GLI4: variants seen among roughly 807,000 people sequenced by gnomAD.
The protein encoded by GLI4 is zinc finger protein GLI4.
Under a neutral mutation model 30.9 loss-of-function variants are expected in GLI4, and 34 were observed. The observed-to-expected ratio is 1.10, with a 90% CI of 0.84 to 1.47. The LOEUF is 1.47. GLI4 is among the 40% of genes most tolerant of loss of function. The probability of loss-of-function intolerance (pLI) is 0.00; values close to 1 mark genes in which losing one functional copy is unlikely to be tolerated. For synonymous variants in GLI4, 277 were observed against 236.7 expected, an observed-to-expected ratio of 1.17 and a Z score of -1.56; for missense variants, 696 against 538.9, an observed-to-expected ratio of 1.29 and a Z score of -2.89.
At chr8:143,274,558 C>A in intron 2 of GLI4, 146 bp from the exon 3 acceptor site, 1 of 701,194 alleles carries the variant, frequency 1.4e-6, no homozygotes, top group Non-Finnish European at 2.1e-6. Context: ...GCTAGAGAAG[C>A]CCAAGCAGCG....
chr8:143,275,995 C>T lies in GLI4; in HGVS notation c.322C>T (p.Pro108Ser), dbSNP rs1815376110. 1 of 1,404,302 alleles carries T rather than the reference C, an allele frequency of 7.1e-7. No homozygotes were observed. Among genetic ancestry groups the T allele is most frequent in the South Asian group, 1.5e-5 (1 of 65,144 alleles). The allele number at this position is 1,404,302 out of a possible 1,614,324, so 87.0% of individuals were successfully genotyped here. A position where few individuals can be genotyped will look rare whatever the true frequency, so the allele number is the denominator to read the frequency against. ...GCTGCGCAGCCTCCTGAGGAGCCTT[C>T]CCCGCAGGGCCCGGTGCAGCGCCGG... Reference protein sequence around the residue: ...GALRSLLRSLPRRARCSAGFG... With the variant: ...GALRSLLRSLSRRARCSAGFG... The change falls in exon 4 of 4, where the codon CCC (proline) becomes TCC (serine). Residue 108 changes from proline to serine, a missense_variant. Physicochemically the swap from Pro to Ser is moderately conservative, Grantham distance 74 (BLOSUM62 -1). Coordinates refer to ENST00000340042, the MANE Select transcript of GLI4 (RefSeq NM_138465.4).
At chr8:143,267,954 C>A in intron 1 of GLI4, 1 of 985,450 alleles carries the variant, frequency 1.0e-6, no homozygotes, top group Non-Finnish European at 1.2e-6. Context: ...GGCAGGAGTG[C>A]CCTTCCCCCT....
At chr8:143,272,713 G>A (rs1219068780) in intron 2 of GLI4, among the ~76,000 whole-genome samples, 1 of 152,214 alleles carries the variant, frequency 6.6e-6, no homozygotes, top group Non-Finnish European at 1.5e-5. Context: ...GTGGGCAGGT[G>A]TCAGGATCCA....
At chr8:143,275,459 C>T in intron 3 of GLI4, 2 of 1,363,718 alleles carry the variant, frequency 1.5e-6, no homozygotes, top group South Asian at 2.0e-5. Context: ...CCACCGAGGC[C>T]TGGGGCAGCC....
intron 1 of GLI4, chr8:143,267,752 G>C: frequency 1.0e-6 from 1 of 985,364 alleles, no homozygotes; most frequent in Non-Finnish European, 1.2e-6. Flanking sequence ...ACCCAGTGAC[G>C]GCAGCTGTCG....
chr8:143,267,564 T>G, intron 1 of GLI4, 80 bp downstream of exon 1: 1 of 985,376 alleles, frequency 1.0e-6, no homozygotes. Flanking sequence ...TACTCCGCGG[T>G]GCAGCCCTGC....
intron 3 of GLI4, 58 bp downstream of exon 3, chr8:143,274,860 C>T: frequency 1.3e-6 from 2 of 1,514,718 alleles, no homozygotes; most frequent in African/African-American, 2.8e-5. Context: ...CCAGGCTCCT[C>T]ACAATGCCCA....
chr8:143,272,699 G>A (rs1417556358), intron 2 of GLI4, among the ~76,000 whole-genome samples: 7 of 152,180 alleles, frequency 4.6e-5, no homozygotes, highest in African/African-American at 9.7e-5. Flanking sequence ...GAAATGGCCC[G>A]AATGTGGGCA....
At chr8:143,270,060 A>T (rs994123768) in intron 2 of GLI4, among the ~76,000 whole-genome samples, 5 of 152,208 alleles carry the variant, frequency 3.3e-5, no homozygotes, top group African/African-American at 1.2e-4. Context: ...TCCCTCTCAG[A>T]GGTCAGGGAT....
At chr8:143,271,891 C>T (rs985910794) in intron 2 of GLI4, among the ~76,000 whole-genome samples, 2 of 152,178 alleles carry the variant, frequency 1.3e-5, no homozygotes, top group Admixed American at 6.5e-5. Context: ...GGAGACCAGG[C>T]GGTGGGAACA....
Position 143,276,473 on chromosome 8 carries a change from ACAAGTGCGG to A in GLI4, c.802_810del (p.Lys268_Gly270del), listed in dbSNP as rs748071620. ...CGCATCCACAACGGCGAGAAGCCCTACAAGTGCGGCGAGTGCGGCCAGGCCTTCAGCCAG... is the reference window on the plus strand; with the variant it reads ...CGCATCCACAACGGCGAGAAGCCCTACGAGTGCGGCCAGGCCTTCAGCCAG... On this transcript the variant is annotated inframe_deletion, in exon 4 of 4. Coordinates refer to ENST00000340042, the MANE Select transcript of GLI4 (RefSeq NM_138465.4). 1 of 1,612,704 alleles carries A rather than the reference ACAAGTGCGG, an allele frequency of 6.2e-7. No homozygotes were observed. The highest frequency in any genetic ancestry group is 1.1e-5 in the South Asian group (1 of 91,014).
In GLI4 at chr8:143,269,524, C is replaced by T; in HGVS notation, c.124+4C>T. ...CACCTCCATGGGCATCAACATGGTA[C>T]TCACCCAGCCCGCTGTGCGCCCTCC... On this transcript the variant is annotated splice_donor_region_variant and intron_variant, in intron 2 of 3. Coordinates refer to ENST00000340042, the MANE Select transcript of GLI4 (RefSeq NM_138465.4). The T allele has an allele frequency of 6.2e-7, 1 of 1,610,824 alleles. No homozygotes were observed.
chr8:143,274,683 C>T (rs1277840263), intron 2 of GLI4, 21 bp from the exon 3 acceptor site: 6 of 1,539,116 alleles, frequency 3.9e-6, no homozygotes, highest in Non-Finnish European at 5.3e-6. Context: ...GGAGGTGAGC[C>T]CCAGCCTCCC....
chr8:143,269,491 C>G lies in GLI4; in HGVS notation c.95C>G (p.Pro32Arg). 3 of 1,613,160 alleles carry G rather than the reference C, an allele frequency of 1.9e-6. No homozygotes were observed. Among genetic ancestry groups the G allele is most frequent in the Non-Finnish European group, 2.5e-6 (3 of 1,179,584 alleles). ...ACACCTGGAACCCAGCACCACGAGC[C>G]TCAGCTTCACCTCCATGGGCATCAA... ...PGTPGTQHHE[P>R]QLHLHGHQHG... Residue 32 changes from proline (P) to arginine (R), a missense_variant, in exon 2 of 4, where the codon CCT (proline) becomes CGT (arginine). Physicochemically the swap from Pro to Arg is moderately radical, Grantham distance 103 (BLOSUM62 -2). Coordinates refer to ENST00000340042, the MANE Select transcript of GLI4 (RefSeq NM_138465.4).
intron 1 of GLI4, chr8:143,267,832 A>C (rs1439610339): frequency 1.0e-6 from 1 of 985,014 alleles, no homozygotes. Flanking sequence ...GAGCCGCCGG[A>C]CCCCAGCGCC....
In GLI4 at chr8:143,276,799, G is replaced by T. The variant is rs776317880; in HGVS notation, c.1126G>T (p.Glu376Ter). The T allele has an allele frequency of 2.3e-5, 36 of 1,557,066 alleles. No homozygotes were observed. Among genetic ancestry groups the T allele is most frequent in the Admixed American group, 7.4e-5 (4 of 53,782 alleles). ...CCAGCACCAGCGGGTGCACTACCGC[G>T]AGTAGCCGGGCGGGGGCTCGGGGCT... The part of the protein sequence containing the change: ...LIQHQRVHYR[E>*] Residue 376 changes from glutamate to a stop codon, truncating the protein, a stop_gained, in exon 4 of 4, where the codon GAG (glutamate) becomes TAG (stop). Coordinates refer to ENST00000340042, the MANE Select transcript of GLI4 (RefSeq NM_138465.4). LOFTEE classifies it high-confidence loss of function.
Position 143,269,401 on chromosome 8 carries a change from C to T in GLI4, c.5C>T (p.Ala2Val), listed in dbSNP as rs145492318. 2.0e-5 allele frequency: 33 copies of T among 1,611,008 alleles called. No homozygotes were observed. Among genetic ancestry groups the T allele is most frequent in the Non-Finnish European group, 2.6e-5 (31 of 1,178,140 alleles). M[A>V]ALGDIQESPS... is the part of the protein sequence containing the mutation. ...CTTCAGCAGGTCTCAGGGAAGATGGCAGCCCTAGGGGACATTCAGGAGTCC... is the reference window on the plus strand; with the variant it reads ...CTTCAGCAGGTCTCAGGGAAGATGGTAGCCCTAGGGGACATTCAGGAGTCC... The change falls in exon 2 of 4, where the codon GCA becomes GTA. Residue 2 changes from alanine (A) to valine (V), a missense_variant. Physicochemically the swap from Ala to Val is moderately conservative, Grantham distance 64. Coordinates refer to ENST00000340042, the MANE Select transcript of GLI4 (RefSeq NM_138465.4).
chr8:143,268,950 TCTC>T (rs1286251767), intron 1 of GLI4, among the ~76,000 whole-genome samples: 45 of 151,728 alleles, frequency 3.0e-4, no homozygotes, highest in Non-Finnish European at 7.4e-5. Flanking sequence ...TTCAAGCTGT[TCTC>T]CTGCCTCAGC....
At chr8:143,272,115 G>A (rs1057479646) in intron 2 of GLI4, among the ~76,000 whole-genome samples, 2 of 152,238 alleles carry the variant, frequency 1.3e-5, no homozygotes, top group African/African-American at 4.8e-5. Context: ...TGGGCAGGAA[G>A]AAGTGAGGGA....
Sources: gnomAD v4.1 joint callset for allele counts (sites outside exome capture counted in the v4.1 genomes callset) on GRCh38, gnomAD v4.1.1 for gene constraint, MANE v1.5 for transcripts, NCBI Gene and HGNC (gene_info 2026-07-23, HGNC 2026-07-21) for gene names.